The following CAMK2D variants were observed in gnomAD, a reference collection of about 807,000 sequenced individuals.
CAMK2D encodes the protein calcium/calmodulin dependent protein kinase II delta, also known as calcium/calmodulin-dependent protein kinase type II subunit delta.
Under a neutral mutation model 84.0 loss-of-function variants are expected in CAMK2D, and 37 were observed. The ratio of observed to expected loss-of-function variants is 0.44; its 90% CI spans 0.34 to 0.58. The LOEUF is 0.58. Ranked by LOEUF, CAMK2D falls within the 20% of genes least tolerant of loss-of-function variation. The probability of loss-of-function intolerance (pLI) is 0.02; values close to 1 mark genes in which losing one functional copy is unlikely to be tolerated. For synonymous variants in CAMK2D, 202 were observed against 212.5 expected, an observed-to-expected ratio of 0.95 and a Z score of 0.43; for missense variants, 448 against 652.5, an observed-to-expected ratio of 0.69 and a Z score of 3.41.
chr4:113,706,840 G>A (rs1224416107), intron 2 of CAMK2D, among the ~76,000 whole-genome samples: 5 of 152,058 alleles, frequency 3.3e-5, no homozygotes, highest in Admixed American at 3.3e-4. Context: ...CAACCATTCA[G>A]GCATAAGTTA....
intron 2 of CAMK2D, among the ~76,000 whole-genome samples, chr4:113,743,591 C>T (rs764185148): frequency 6.6e-6 from 1 of 152,152 alleles, no homozygotes; most frequent in Non-Finnish European, 1.5e-5. Context: ...TGTTTTCTCA[C>T]TCTTGGTGCC....
chr4:113,623,113 GATTCTCAAA>G (rs2099053208), intron 3 of CAMK2D, among the ~76,000 whole-genome samples: 2 of 152,074 alleles, frequency 1.3e-5, no homozygotes, highest in African/African-American at 4.8e-5. Flanking sequence ...TGCTGAAAAT[GATTCTCAAA>G]GGTTATACCC....
intron 12 of CAMK2D, 49 bp from the exon 13 acceptor site, chr4:113,509,724 A>C: frequency 7.4e-7 from 1 of 1,346,528 alleles, no homozygotes; most frequent in Non-Finnish European, 1.1e-6. Flanking sequence ...ATAGAAACCC[A>C]CAGCCAGACA....
intron 2 of CAMK2D, chr4:113,754,813 A>C: frequency 1.0e-6 from 1 of 984,044 alleles, no homozygotes; most frequent in African/African-American, 1.7e-5. Flanking sequence ...ACGTAAGTAA[A>C]GGATACAAAA....
chr4:113,690,433 G>A (rs554150571), intron 2 of CAMK2D, among the ~76,000 whole-genome samples: 52 of 152,258 alleles, frequency 3.4e-4, no homozygotes, highest in South Asian at 1.5e-3. Context: ...TGAGCTCCCA[G>A]TTGTGGGCAC....
intron 3 of CAMK2D, among the ~76,000 whole-genome samples, chr4:113,642,528 C>G (rs1377369425): frequency 6.6e-6 from 1 of 152,174 alleles, no homozygotes; most frequent in Non-Finnish European, 1.5e-5. Flanking sequence ...GACAGATGGA[C>G]ATGCTAAGGC....
chr4:113,453,282 A>G lies in CAMK2D; in HGVS notation c.*1263T>C, dbSNP rs2097270583. The G allele has an allele frequency of 6.6e-6, 1 of 152,198 alleles. No homozygotes were observed. Among genetic ancestry groups the G allele is most frequent in the Non-Finnish European group, 1.5e-5 (1 of 68,038 alleles). The allele number at this position is 152,198 out of a possible 1,614,324, so 9.4% of individuals were successfully genotyped here. A position where few individuals can be genotyped will look rare whatever the true frequency, so the allele number is the denominator to read the frequency against. ...TTCAAAACACTTATGAGAATGGCAA[A>G]CATTTGTAAGCCTCTCTAACACTAG... On this transcript the variant is annotated 3_prime_UTR_variant, in exon 21 of 21. Coordinates refer to ENST00000511664, the MANE Select transcript of CAMK2D (RefSeq NM_001321571.2).
intron 2 of CAMK2D, among the ~76,000 whole-genome samples, chr4:113,755,877 A>G (rs1267812559): frequency 6.6e-6 from 1 of 152,016 alleles, no homozygotes; most frequent in Non-Finnish European, 1.5e-5. Flanking sequence ...TTCTATTATC[A>G]CTATTCAACA....
chr4:113,560,592 C>T (rs2098693585), intron 4 of CAMK2D, among the ~76,000 whole-genome samples: 1 of 152,124 alleles, frequency 6.6e-6, no homozygotes, highest in African/African-American at 2.4e-5. Flanking sequence ...TCACCCAATA[C>T]TTACCTTTTT....
At position 113,465,556 on chromosome 4, in the gene CAMK2D, A is replaced by G. The variant is rs199963971; in HGVS notation, c.1184T>C (p.Ile395Thr). 34 of 1,613,146 alleles carry G rather than the reference A, an allele frequency of 2.1e-5. No homozygotes were observed. The highest frequency in any genetic ancestry group is 2.6e-5 in the Non-Finnish European group (31 of 1,179,206). The stretch of plus-strand genomic sequence containing the variant: ...GTAGGCTTCAAAGTCCCCATTGTTG[A>G]TAGCTTCGATCAGTTGTTCAGTGAC... ...IKVTEQLIEA[I>T]NNGDFEAYTK... The change falls in exon 17 of 21, where the codon ATC (isoleucine) becomes ACC (threonine). Residue 395 changes from isoleucine to threonine, a missense_variant. Physicochemically the swap from Ile to Thr is moderately conservative, Grantham distance 89. Coordinates refer to ENST00000511664, the MANE Select transcript of CAMK2D (RefSeq NM_001321571.2).
At position 113,761,107 on chromosome 4, in the gene CAMK2D, A is replaced by C; in HGVS notation, c.-39T>G. 12 of 1,613,110 alleles carry C rather than the reference A, an allele frequency of 7.4e-6. No individual in the cohort carries two copies. The highest frequency in any genetic ancestry group is 1.0e-5 in the Non-Finnish European group (12 of 1,179,934). ...TGTGCCCTGGCTGGGAGCGCGACGG[A>C]CCAGAAGCGAGCAGACGCGCGGCTA... is the stretch of plus-strand genomic sequence containing the variant. On this transcript the variant is annotated 5_prime_UTR_variant, in exon 1 of 21. Coordinates refer to ENST00000511664, the MANE Select transcript of CAMK2D (RefSeq NM_001321571.2).
intron 8 of CAMK2D, among the ~76,000 whole-genome samples, chr4:113,520,436 A>AAAAT (rs1034164135): frequency 2.6e-5 from 4 of 152,056 alleles, no homozygotes; most frequent in Non-Finnish European, 5.9e-5. Flanking sequence ...AAAATAAAAT[A>AAAAT]AAATAAAAGT....
intron 4 of CAMK2D, among the ~76,000 whole-genome samples, chr4:113,600,328 A>T (rs540511695): frequency 6.6e-6 from 1 of 152,340 alleles, no homozygotes; most frequent in African/African-American, 2.4e-5. Context: ...ATACAGTAGT[A>T]CAATGTACTA....
chr4:113,579,304 T>G (rs1206202804), intron 4 of CAMK2D, among the ~76,000 whole-genome samples: 1 of 152,210 alleles, frequency 6.6e-6, no homozygotes, highest in Non-Finnish European at 1.5e-5. Context: ...CAAAGTAACA[T>G]GATGCTCTTC....
chr4:113,539,321 A>G (rs1057297166), intron 6 of CAMK2D, among the ~76,000 whole-genome samples: 6 of 152,214 alleles, frequency 3.9e-5, no homozygotes, highest in African/African-American at 1.4e-4. Context: ...GTTAATACAC[A>G]TCTGTCCTAA....
intron 5 of CAMK2D, among the ~76,000 whole-genome samples, chr4:113,551,367 C>A (rs1313687905): frequency 6.6e-6 from 1 of 152,078 alleles, no homozygotes; most frequent in East Asian, 1.9e-4. Flanking sequence ...CTCTTAAATG[C>A]CTGAATAAAT....
At chr4:113,715,844 G>A (rs2099511797) in intron 2 of CAMK2D, among the ~76,000 whole-genome samples, 1 of 152,076 alleles carries the variant, frequency 6.6e-6, no homozygotes, top group South Asian at 2.1e-4. Context: ...CACTGATAGG[G>A]AGACCTTGTT....
intron 2 of CAMK2D, among the ~76,000 whole-genome samples, chr4:113,729,696 C>T (rs1197746387): frequency 6.6e-6 from 1 of 152,180 alleles, no homozygotes; most frequent in African/African-American, 2.4e-5. Flanking sequence ...TATGTTAAAT[C>T]CTAATGCCCA....
chr4:113,738,249 T>C (rs2099585728), intron 2 of CAMK2D, among the ~76,000 whole-genome samples: 1 of 150,418 alleles, frequency 6.6e-6, no homozygotes, highest in Admixed American at 6.6e-5. Flanking sequence ...CTAAGTTAGA[T>C]GAAATAATAA....
Sources: allele counts gnomAD v4.1 joint callset (sites outside exome capture counted in the v4.1 genomes callset), GRCh38; gene constraint gnomAD v4.1.1; transcripts MANE v1.5; gene names NCBI Gene and HGNC (gene_info 2026-07-23, HGNC 2026-07-21).